The following GLIS1 variants were observed in gnomAD, a reference collection of about 807,000 sequenced individuals.
The protein encoded by GLIS1 is zinc finger protein GLIS1.
A neutral mutation model predicts 63.8 loss-of-function variants in GLIS1; 24 were observed. That is an observed-to-expected ratio of 0.38 (90% CI 0.27 to 0.53). The LOEUF is 0.53. GLIS1 is among the 20% of genes least tolerant of loss of function. The pLI is 0.85. For missense variants in GLIS1, 1,036 were observed against 1,074.1 expected (o/e 0.96, Z 0.50); for synonymous variants, 450 against 482.5 (o/e 0.93, Z 0.88).
chr1:53,700,613 T>C lies in GLIS1; in HGVS notation c.259+37193A>G, dbSNP rs78549184. On this transcript the variant is annotated intron_variant, in intron 2 of 10. Coordinates refer to ENST00000628545, the MANE Select transcript of GLIS1 (RefSeq NM_001367484.1). ...GGAGTTTGGTTTTTTGCTCTTCTTT[T>C]TAAATTTGAGATACAATTCACATAT... Among the ~76,000 whole-genome samples the C allele has an allele frequency of 2.0e-3, 304 of 152,324 alleles. 2 individuals carry two copies. Among genetic ancestry groups the C allele is most frequent in the African/African-American group, 7.0e-3 (291 of 41,564 alleles).
chr1:53,539,217 AAC>A lies in GLIS1; in HGVS notation c.1321-9267_1321-9266del, dbSNP rs1644613658. The stretch of plus-strand genomic sequence containing the variant: ...CAAGCCACACGTCGGAGACAGCCCC[AAC>A]ACACACCAACACACACACATGGATT... On this transcript the variant is annotated intron_variant, in intron 4 of 10. Coordinates refer to ENST00000628545, the MANE Select transcript of GLIS1 (RefSeq NM_001367484.1). This position sits in a 1 kb window ranked among gnomAD's most constrained non-coding sequence, Gnocchi z 5.0. Among the ~76,000 whole-genome samples, 3 of 143,364 alleles carry A rather than the reference AAC, an allele frequency of 2.1e-5. No individual in the cohort carries two copies. In the South Asian group the frequency reaches 6.3e-4, roughly 30 times the overall value. 94.1% of individuals were successfully genotyped at this position (143,364 alleles called of 152,430 possible). A position where few individuals can be genotyped will look rare whatever the true frequency, so the allele number is the denominator to read the frequency against.
At chr1:53,546,602 C>T (rs1196926625) in intron 4 of GLIS1, among the ~76,000 whole-genome samples, 1 of 151,126 alleles carries the variant, frequency 6.6e-6, no homozygotes, top group African/African-American at 2.4e-5. Flanking sequence ...GATGGCAGGG[C>T]TCGTCAATCT....
intron 2 of GLIS1, among the ~76,000 whole-genome samples, chr1:53,707,902 C>T (rs1186879697): frequency 2.0e-5 from 3 of 151,606 alleles, no homozygotes; most frequent in Non-Finnish European, 4.4e-5. Flanking sequence ...CACTCGTGTA[C>T]CCCTAGTGTG....
chr1:53,641,022 G>T (rs906010313), intron 2 of GLIS1, among the ~76,000 whole-genome samples: 2 of 152,188 alleles, frequency 1.3e-5, no homozygotes, highest in Non-Finnish European at 2.9e-5. Context: ...GATGATGGAT[G>T]GTTTAAACCT....
At chr1:53,525,750 G>A (rs1053187008) in intron 5 of GLIS1, among the ~76,000 whole-genome samples, 4 of 151,796 alleles carry the variant, frequency 2.6e-5, no homozygotes, top group East Asian at 3.9e-4. Flanking sequence ...TCCCGGCACC[G>A]CAGGCCCTAC....
intron 4 of GLIS1, among the ~76,000 whole-genome samples, chr1:53,543,000 C>A (rs2100375214): frequency 6.6e-6 from 1 of 152,308 alleles, no homozygotes; most frequent in South Asian, 2.1e-4. Context: ...ACTCTACGGG[C>A]CCCTTGGTTC....
At chr1:53,528,640 A>G (rs1163082581) in intron 5 of GLIS1, among the ~76,000 whole-genome samples, 2 of 152,022 alleles carry the variant, frequency 1.3e-5, no homozygotes, top group African/African-American at 4.8e-5. Context: ...TCCCGGCTCT[A>G]AGGTAAATGG....
chr1:53,737,720 C>T (rs1646924901), intron 2 of GLIS1, 86 bp downstream of exon 2: 2 of 1,199,678 alleles, frequency 1.7e-6, no homozygotes, highest in South Asian at 4.3e-5. Flanking sequence ...AAAGTTCCAC[C>T]AAGCTCTCCC....
At chr1:53,688,800 G>A (rs1248214660) in intron 2 of GLIS1, 1 of 152,156 alleles carries the variant, frequency 6.6e-6, no homozygotes, top group East Asian at 1.9e-4. Flanking sequence ...ATTCTAAAAG[G>A]GCTGCACCAC....
At chr1:53,728,558 C>CA (rs1646827818) in intron 2 of GLIS1, among the ~76,000 whole-genome samples, 1 of 152,154 alleles carries the variant, frequency 6.6e-6, no homozygotes, top group African/African-American at 2.4e-5. Flanking sequence ...GGCCTGGTTC[C>CA]ACACCCATGC....
At chr1:53,626,344 C>G (rs558865206) in intron 2 of GLIS1, among the ~76,000 whole-genome samples, 1 of 152,170 alleles carries the variant, frequency 6.6e-6, no homozygotes, top group Non-Finnish European at 1.5e-5. Flanking sequence ...AGTCTGTCCT[C>G]GAGAGCCAGC....
At position 53,680,107 on chromosome 1, in the gene GLIS1, A is replaced by T. The variant is rs1023130961; in HGVS notation, c.259+57699T>A. 3.3e-5 allele frequency among the ~76,000 whole-genome samples: 5 copies of T among 152,140 alleles called. 1 individual carries two copies. The East Asian group carries it at 9.6e-4, about 29-fold the overall frequency. On this transcript the variant is annotated intron_variant, in intron 2 of 10. Transcript: ENST00000628545. ...AGCCCAAATGTCTGCTGAATGAAGG[A>T]GGGAGAAGGCAGGGAGGGAGGCAGG... is the stretch of plus-strand genomic sequence containing the variant.
In GLIS1 at chr1:53,563,645, A is replaced by G. The variant is rs1644911155; in HGVS notation, c.1320+30463T>C. Among the ~76,000 whole-genome samples, 4 of 152,244 alleles carry G rather than the reference A, an allele frequency of 2.6e-5. No homozygotes were observed. The South Asian group carries it at 6.2e-4, about 24-fold the overall frequency. On this transcript the variant is annotated intron_variant, in intron 4 of 10. Coordinates refer to ENST00000628545, the MANE Select transcript of GLIS1 (RefSeq NM_001367484.1). ...TAATCTACCTTTAATCAAAGTCTCA[A>G]AAAGAAGACAGCATAGACAGGAAGC...
chr1:53,609,264 A>ATTTTT (rs1569912044), intron 2 of GLIS1, among the ~76,000 whole-genome samples: 7 of 94,774 alleles, frequency 7.4e-5, no homozygotes, highest in East Asian at 3.9e-4. Context: ...TTGGGTTTAA[A>ATTTTT]TCTTTTTTTT....
intron 2 of GLIS1, among the ~76,000 whole-genome samples, chr1:53,656,647 G>C (rs181938264): frequency 2.6e-5 from 4 of 152,362 alleles, no homozygotes; most frequent in Admixed American, 2.6e-4. Context: ...AGATTTATTG[G>C]ACTTCTGTAG....
At chr1:53,513,532 C>T (rs1644319455) in intron 8 of GLIS1, among the ~76,000 whole-genome samples, 1 of 152,198 alleles carries the variant, frequency 6.6e-6, no homozygotes, top group East Asian at 1.9e-4. Flanking sequence ...CATCCAACTC[C>T]AGCCTCACCT....
At chr1:53,655,906 T>C (rs1645960914) in intron 2 of GLIS1, among the ~76,000 whole-genome samples, 1 of 152,204 alleles carries the variant, frequency 6.6e-6, no homozygotes, top group Non-Finnish European at 1.5e-5. Context: ...ATATTCCATT[T>C]TACAGCAAGA....
At chr1:53,544,534 C>G (rs1386280999) in intron 4 of GLIS1, among the ~76,000 whole-genome samples, 1 of 152,216 alleles carries the variant, frequency 6.6e-6, no homozygotes, top group Admixed American at 6.5e-5. Context: ...CCTCTCCTTG[C>G]CACTCCCAAA....
At chr1:53,584,900 C>T (rs927238414) in intron 4 of GLIS1, among the ~76,000 whole-genome samples, 2 of 152,298 alleles carry the variant, frequency 1.3e-5, no homozygotes, top group Non-Finnish European at 2.9e-5. Context: ...TTCTCAGTTA[C>T]GAAGTTTGCC....
Sources: gnomAD v4.1 joint callset for allele counts (sites outside exome capture counted in the v4.1 genomes callset) on GRCh38, gnomAD v4.1.1 for gene constraint, Gnocchi (gnomAD v3.1) non-coding constraint, MANE v1.5 for transcripts, NCBI Gene and HGNC (gene_info 2026-07-23, HGNC 2026-07-21) for gene names.